ATP10A: variants seen among roughly 807,000 people sequenced by gnomAD.
ATP10A encodes the protein phospholipid-transporting ATPase VA.
ATP10A carries 111 observed loss-of-function variants against 147.8 expected under a neutral mutation model. The ratio of observed to expected loss-of-function variants is 0.75; its 90% CI spans 0.64 to 0.88. The LOEUF is 0.88. ATP10A is among the 40% of genes least tolerant of loss of function. The probability of loss-of-function intolerance (pLI) is 0.00; values close to 1 mark genes in which losing one functional copy is unlikely to be tolerated. For missense variants in ATP10A, 1,927 were observed against 1,959.0 expected (o/e 0.98, Z 0.31); for synonymous variants, 875 against 841.6 (o/e 1.04, Z -0.69).
chr15:25,719,004 TG>T (rs760505759), intron 7 of ATP10A, among the ~76,000 whole-genome samples: 7 of 152,206 alleles, frequency 4.6e-5, no homozygotes, highest in Non-Finnish European at 8.8e-5. Flanking sequence ...CCCCATGACC[TG>T]GTGAACGCTG....
intron 1 of ATP10A, among the ~76,000 whole-genome samples, chr15:25,802,502 C>T (rs1890985382): frequency 6.6e-6 from 1 of 152,198 alleles, no homozygotes; most frequent in African/African-American, 2.4e-5. Context: ...CTGAAAACCA[C>T]ACACGTTTAT....
At chr15:25,754,298 T>C (rs1888307265) in intron 2 of ATP10A, among the ~76,000 whole-genome samples, 1 of 152,136 alleles carries the variant, frequency 6.6e-6, no homozygotes, top group Non-Finnish European at 1.5e-5. Context: ...CATGCCCAGC[T>C]AATTTGTTTG....
chr15:25,700,748 T>G (rs1285465346), intron 13 of ATP10A, among the ~76,000 whole-genome samples: 1 of 151,918 alleles, frequency 6.6e-6, no homozygotes, highest in Admixed American at 6.6e-5. Context: ...GGACCGTGGA[T>G]AGGGTGGTGT....
chr15:25,747,114 C>G (rs927815827), intron 2 of ATP10A, among the ~76,000 whole-genome samples: 1 of 151,928 alleles, frequency 6.6e-6, no homozygotes, highest in African/African-American at 2.4e-5. Flanking sequence ...TGATGAAACC[C>G]CATCTCTACT....
At chr15:25,843,309 C>A (rs1892891375) in intron 1 of ATP10A, among the ~76,000 whole-genome samples, 1 of 149,078 alleles carries the variant, frequency 6.7e-6, no homozygotes, top group South Asian at 2.2e-4. Flanking sequence ...TGCAGAGGCT[C>A]CCAGGAGCAC....
intron 6 of ATP10A, among the ~76,000 whole-genome samples, chr15:25,723,030 G>A (rs1247546026): frequency 6.6e-6 from 1 of 152,192 alleles, no homozygotes; most frequent in Non-Finnish European, 1.5e-5. Flanking sequence ...AGTGGGATCT[G>A]AAAGAAGGCT....
At chr15:25,762,210 GT>G (rs1457148348) in intron 2 of ATP10A, among the ~76,000 whole-genome samples, 1 of 152,128 alleles carries the variant, frequency 6.6e-6, no homozygotes, top group African/African-American at 2.4e-5. Flanking sequence ...ATGATTATAA[GT>G]TTCAAGAGGC....
Position 25,752,404 on chromosome 15 carries a change from C to A in ATP10A, c.655-16263G>T, listed in dbSNP as rs371304240. On this transcript the variant is annotated intron_variant, in intron 2 of 20. Transcript: ENST00000555815. ...AAGTAAAATAAGCCAGGCACAGAGA[C>A]AAATATTTCATATACTCACTTATAT... Among the ~76,000 whole-genome samples the A allele has an allele frequency of 3.3e-3, 509 of 152,258 alleles. 4 individuals are homozygous for A. The highest frequency in any genetic ancestry group is 0.012 in the African/African-American group (496 of 41,546).
chr15:25,744,420 A>G (rs1416124270), intron 2 of ATP10A, among the ~76,000 whole-genome samples: 2 of 152,188 alleles, frequency 1.3e-5, no homozygotes, highest in African/African-American at 4.8e-5. Context: ...AATTATTTGT[A>G]AAAAATCAAT....
At chr15:25,809,431 A>T (rs999026716) in intron 1 of ATP10A, among the ~76,000 whole-genome samples, 16 of 152,198 alleles carry the variant, frequency 1.1e-4, no homozygotes, top group African/African-American at 3.9e-4. Context: ...AGAAGGAAAA[A>T]ATCAAATGGA....
chr15:25,762,840 A>G (rs1888828960), intron 2 of ATP10A, among the ~76,000 whole-genome samples: 1 of 152,214 alleles, frequency 6.6e-6, no homozygotes, highest in South Asian at 2.1e-4. Context: ...TCGGCCTCCC[A>G]AAACTTTGGG....
intron 1 of ATP10A, among the ~76,000 whole-genome samples, chr15:25,828,109 T>C (rs1892196303): frequency 6.6e-6 from 1 of 152,062 alleles, no homozygotes; most frequent in Non-Finnish European, 1.5e-5. Flanking sequence ...GCCATAACAA[T>C]TATAAGCAAA....
chr15:25,802,721 C>A (rs1248281398), intron 1 of ATP10A, among the ~76,000 whole-genome samples: 1 of 152,154 alleles, frequency 6.6e-6, no homozygotes, highest in Admixed American at 6.5e-5. Flanking sequence ...CGCACTGGGC[C>A]ACCGGCACTC....
chr15:25,828,427 C>T (rs1329974142), intron 1 of ATP10A, among the ~76,000 whole-genome samples: 1 of 152,102 alleles, frequency 6.6e-6, no homozygotes, highest in Non-Finnish European at 1.5e-5. Context: ...TTTAAAGGAT[C>T]GATACCATAC....
At chr15:25,755,627 T>G (rs9972413) in intron 2 of ATP10A, among the ~76,000 whole-genome samples, 117,741 of 152,002 alleles carry the variant, frequency 0.77, 46,068 homozygotes, top group Non-Finnish European at 0.83. Context: ...TTCCAAGAAA[T>G]CCCTTAAAAA....
In ATP10A at chr15:25,714,925, T is replaced by C. The variant is rs114330883; in HGVS notation, c.1777-684A>G. On this transcript the variant is annotated intron_variant, in intron 9 of 20. Coordinates refer to ENST00000555815, the MANE Select transcript of ATP10A (RefSeq NM_024490.4). ...GAGGATCCCAAACATTGAAACAATA[T>C]TTTAACCACCACAGTAAGAAACAAA... Among the ~76,000 whole-genome samples the C allele has an allele frequency of 3.1e-3, 466 of 151,900 alleles. 4 individuals are homozygous for C. The highest frequency in any genetic ancestry group is 0.011 in the African/African-American group (447 of 41,386).
At chr15:25,791,820 C>T (rs368777747) in intron 1 of ATP10A, among the ~76,000 whole-genome samples, 6 of 152,094 alleles carry the variant, frequency 3.9e-5, no homozygotes, top group Non-Finnish European at 5.9e-5. Context: ...CATGGTTTGT[C>T]GGTTTTAACA....
At chr15:25,697,233 T>C (rs1229848276) in intron 13 of ATP10A, among the ~76,000 whole-genome samples, 1 of 152,200 alleles carries the variant, frequency 6.6e-6, no homozygotes, top group East Asian at 1.9e-4. Context: ...AATGCAAGAC[T>C]AGGTCTTATA....
At chr15:25,842,399 G>C (rs1207932734) in intron 1 of ATP10A, among the ~76,000 whole-genome samples, 1 of 152,128 alleles carries the variant, frequency 6.6e-6, no homozygotes, top group African/African-American at 2.4e-5. Context: ...CCTGCTTTTA[G>C]TTTCCAGCGT....
Sources: allele counts gnomAD v4.1 joint callset (sites outside exome capture counted in the v4.1 genomes callset), GRCh38; gene constraint gnomAD v4.1.1; transcripts MANE v1.5; gene names NCBI Gene and HGNC (gene_info 2026-07-23, HGNC 2026-07-21).